The following DOCK2 variants were observed in gnomAD, a reference collection of about 807,000 sequenced individuals.
The protein encoded by DOCK2 is dedicator of cytokinesis protein 2.
A neutral mutation model predicts 248.9 loss-of-function variants in DOCK2; 87 were observed. That is an observed-to-expected ratio of 0.35 (90% CI 0.29 to 0.42). The LOEUF (loss-of-function observed/expected upper bound fraction) is 0.42, where lower values mean the gene tolerates loss of function less well. Ranked by LOEUF, DOCK2 falls within the 10% of genes least tolerant of loss-of-function variation. The pLI is 1.00. For missense variants in DOCK2, 1,747 were observed against 2,300.2 expected (o/e 0.76, Z 4.92); for synonymous variants, 805 against 821.6 (o/e 0.98, Z 0.35).
At chr5:170,077,574 A>G in intron 47 of DOCK2, 136 bp from the exon 48 acceptor site, 1 of 1,288,338 alleles carries the variant, frequency 7.8e-7, no homozygotes, top group Non-Finnish European at 1.1e-6. Context: ...AGCCTCAGCC[A>G]GCCAGGAACT....
chr5:169,917,612 GT>G (rs908370601), intron 27 of DOCK2, among the ~76,000 whole-genome samples: 1 of 152,168 alleles, frequency 6.6e-6, no homozygotes, highest in Non-Finnish European at 1.5e-5. Flanking sequence ...ATTGCTTGCT[GT>G]TTTTTGGTGA....
intron 2 of DOCK2, among the ~76,000 whole-genome samples, chr5:169,667,111 A>G (rs1758779093): frequency 6.6e-6 from 1 of 152,190 alleles, no homozygotes; most frequent in South Asian, 2.1e-4. Flanking sequence ...TGTCACAGAG[A>G]TGCAGATGTG....
At position 169,889,101 on chromosome 5, in the gene DOCK2, G is replaced by A. The variant is rs371096901; in HGVS notation, c.2799+48249G>A. Among the ~76,000 whole-genome samples the A allele has an allele frequency of 4.5e-4, 69 of 152,274 alleles. 1 individual carries two copies. The East Asian group carries it at 9.8e-3, about 22-fold the overall frequency. On this transcript the variant is annotated intron_variant, in intron 27 of 51. Coordinates refer to ENST00000520908, the MANE Select transcript of DOCK2 (RefSeq NM_004946.3). The stretch of plus-strand genomic sequence containing the variant: ...TACCCCTCCGCTTGACACAGAGAGG[G>A]TCTTATATAAACTCTTGTAAAACAA...
At chr5:169,670,483 T>C in intron 3 of DOCK2, 59 bp from the exon 4 acceptor site, 1 of 1,586,460 alleles carries the variant, frequency 6.3e-7, no homozygotes, top group Non-Finnish European at 8.6e-7. Flanking sequence ...GGGTCATTCA[T>C]TTCTGTGGTG....
chr5:169,715,649 A>G (rs1761866114), intron 19 of DOCK2, among the ~76,000 whole-genome samples: 1 of 151,718 alleles, frequency 6.6e-6, no homozygotes, highest in African/African-American at 2.4e-5. Flanking sequence ...ATATGATGAA[A>G]TAGATACAGA....
Position 169,759,789 on chromosome 5 carries a change from T to C in DOCK2, c.2447+14T>C, listed in dbSNP as rs376478512. The stretch of plus-strand genomic sequence containing the variant: ...GAAGTTACTCAGGTGAGAGCTCATG[T>C]TGTACTTTCTTGGGCTCTGCTGGCA... On this transcript the variant is annotated intron_variant, in intron 24 of 51. Transcript: ENST00000520908. 1.7e-5 allele frequency: 28 copies of C among 1,613,560 alleles called. No individual in the cohort carries two copies. The highest frequency in any genetic ancestry group is 2.3e-5 in the Non-Finnish European group (27 of 1,179,660).
At chr5:169,713,879 C>A (rs1173668622) in intron 17 of DOCK2, 149 bp from the exon 18 acceptor site, 3 of 827,600 alleles carry the variant, frequency 3.6e-6, no homozygotes, top group Non-Finnish European at 5.2e-6. Context: ...AGTCCTGCCT[C>A]ACCAGCCAAT....
At chr5:169,792,961 G>T (rs58338791) in intron 25 of DOCK2, among the ~76,000 whole-genome samples, 22,237 of 152,166 alleles carry the variant, frequency 0.15, 2,471 homozygotes, top group African/African-American at 0.31. Context: ...GCAGCTGCAG[G>T]CAAGTGCAGT....
At chr5:170,007,914 C>T (rs1488949863) in intron 30 of DOCK2, among the ~76,000 whole-genome samples, 1 of 152,166 alleles carries the variant, frequency 6.6e-6, no homozygotes, top group African/African-American at 2.4e-5. Context: ...GAATTTGTAT[C>T]TCTAGCAAGT....
intron 47 of DOCK2, among the ~76,000 whole-genome samples, chr5:170,077,365 C>T (rs529817171): frequency 3.3e-5 from 5 of 152,328 alleles, no homozygotes; most frequent in Non-Finnish European, 5.9e-5. Flanking sequence ...AGCCCCAGCC[C>T]AGCCCTATAA....
At position 170,083,025 on chromosome 5, in the gene DOCK2, A is replaced by ATT; in HGVS notation, c.*167_*168insTT. The ATT allele has an allele frequency of 1.3e-6, 1 of 742,932 alleles. No individual in the cohort carries two copies. Among genetic ancestry groups the ATT allele is most frequent in the Non-Finnish European group, 2.2e-6 (1 of 458,064 alleles). The allele number at this position is 742,932 out of a possible 1,614,324, so 46.0% of individuals were successfully genotyped here. ...ATCAGGTCCCAGAGCTTGAATGCTA[A>ATT]CAAGCCCAGCATCCCCTGGGGCTGT... On this transcript the variant is annotated 3_prime_UTR_variant, in exon 52 of 52. Transcript: ENST00000520908.
chr5:170,051,458 C>T (rs147420956), intron 41 of DOCK2, among the ~76,000 whole-genome samples: 3 of 152,316 alleles, frequency 2.0e-5, no homozygotes, highest in Admixed American at 6.5e-5. Context: ...TTCCTCAGCT[C>T]CTTACATGAC....
At chr5:169,905,331 T>C (rs1179480403) in intron 27 of DOCK2, among the ~76,000 whole-genome samples, 1 of 151,926 alleles carries the variant, frequency 6.6e-6, no homozygotes, top group Non-Finnish European at 1.5e-5. Flanking sequence ...AACTCTGTGT[T>C]AAATATCCCA....
At chr5:169,698,230 A>G (rs543174111) in intron 10 of DOCK2, 144 bp from the exon 11 acceptor site, 5 of 666,786 alleles carry the variant, frequency 7.5e-6, no homozygotes, top group Non-Finnish European at 1.3e-5. Context: ...AGTGTTGTGC[A>G]GCACTGGCTT....
At chr5:169,895,990 T>C (rs916725192) in intron 27 of DOCK2, among the ~76,000 whole-genome samples, 3 of 152,194 alleles carry the variant, frequency 2.0e-5, no homozygotes, top group African/African-American at 7.2e-5. Context: ...TTTATGTGAA[T>C]GCTATGATCT....
At chr5:170,021,131 T>C (rs941620106) in intron 33 of DOCK2, among the ~76,000 whole-genome samples, 5 of 152,178 alleles carry the variant, frequency 3.3e-5, no homozygotes, top group African/African-American at 1.2e-4. Flanking sequence ...AGCTGCCTTT[T>C]TGTGAAGAGC....
intron 33 of DOCK2, among the ~76,000 whole-genome samples, chr5:170,026,338 G>A (rs530671747): frequency 3.3e-5 from 5 of 152,242 alleles, no homozygotes; most frequent in East Asian, 3.9e-4. Flanking sequence ...TTCTTCATCC[G>A]TAATAATAAC....
chr5:169,788,251 C>A (rs1171532682), intron 25 of DOCK2, among the ~76,000 whole-genome samples: 1 of 152,176 alleles, frequency 6.6e-6, no homozygotes, highest in Non-Finnish European at 1.5e-5. Context: ...GAATGCTTGG[C>A]ATTTGGCAGA....
intron 29 of DOCK2, among the ~76,000 whole-genome samples, chr5:169,991,023 C>A (rs1397547662): frequency 2.0e-5 from 3 of 152,262 alleles, no homozygotes; most frequent in African/African-American, 7.2e-5. Flanking sequence ...TACTGCAGCT[C>A]ATTTAGTCTT....
Sources: allele counts gnomAD v4.1 joint callset (sites outside exome capture counted in the v4.1 genomes callset), GRCh38; gene constraint gnomAD v4.1.1; transcripts MANE v1.5; gene names NCBI Gene and HGNC (gene_info 2026-07-23, HGNC 2026-07-21).